Variants in ZNF875 observed in about 807,000 individuals in gnomAD.
ZNF875 encodes the protein zinc finger protein 875, also known as HKR1, GLI-Kruppel zinc finger family member.
In ZNF875, 14 loss-of-function variants were observed where a neutral mutation model predicts 11.2. The ratio of observed to expected loss-of-function variants is 1.26; its 90% CI spans 0.83 to 1.96. The LOEUF is 1.96. Ranked by LOEUF, ZNF875 falls within the 30% of genes most tolerant of loss-of-function variation. The probability of loss-of-function intolerance (pLI) is 0.00; values close to 1 mark genes in which losing one functional copy is unlikely to be tolerated. For missense variants in ZNF875, 752 were observed against 760.4 expected, an observed-to-expected ratio of 0.99 and a Z score of 0.13; for synonymous variants, 301 against 281.1, an observed-to-expected ratio of 1.07 and a Z score of -0.71.
chr19:37,352,885 T>G (rs1366379819), intron 4 of ZNF875, among the ~76,000 whole-genome samples: 2 of 147,826 alleles, frequency 1.4e-5, no homozygotes, highest in Middle Eastern at 3.4e-3. Flanking sequence ...TTTTTTTTTT[T>G]TTTTTTTGAG....
At chr19:37,347,347 C>A (rs1354174362) in intron 3 of ZNF875, 31 bp downstream of exon 3, 4 of 1,597,776 alleles carry the variant, frequency 2.5e-6, no homozygotes, top group Non-Finnish European at 3.4e-6. Flanking sequence ...CACTTAAAAT[C>A]TGCCCTACAG....
intron 2 of ZNF875, among the ~76,000 whole-genome samples, chr19:37,336,684 G>A (rs1355657164): frequency 3.3e-5 from 5 of 150,244 alleles, no homozygotes; most frequent in East Asian, 2.0e-4. Context: ...TGAGGCAGGC[G>A]AATCACGAGG....
At chr19:37,324,195 T>C (rs2145719602) in intron 3 of ZNF875, 1 of 152,314 alleles carries the variant, frequency 6.6e-6, no homozygotes, top group Non-Finnish European at 1.5e-5. Flanking sequence ...AATCCTCCCA[T>C]TTCTTGGTCT....
intron 2 of ZNF875, among the ~76,000 whole-genome samples, chr19:37,345,338 TA>T (rs1320886617): frequency 6.9e-6 from 1 of 145,686 alleles, no homozygotes; most frequent in African/African-American, 2.8e-5. Flanking sequence ...GCTATCGATA[TA>T]ACTGAGTGTA....
chr19:37,313,980 A>G (rs1001135280), upstream of ZNF875, among the ~76,000 whole-genome samples: 1 of 152,206 alleles, frequency 6.6e-6, no homozygotes, highest in Non-Finnish European at 1.5e-5. Context: ...CAGAGACACC[A>G]AAGACTCGCA....
intron 2 of ZNF875, among the ~76,000 whole-genome samples, chr19:37,342,531 G>A (rs1172530393): frequency 6.6e-6 from 1 of 151,362 alleles, no homozygotes; most frequent in Non-Finnish European, 1.5e-5. Flanking sequence ...TCCTGCCTCA[G>A]CCTCCCGAGT....
rs555345557 is a variant in ZNF875, at chr19:37,334,670, C to G, written c.-169C>G. On this transcript the variant is annotated 5_prime_UTR_variant, in exon 1 of 5. Transcript: ENST00000392153. Reference sequence around the variant, plus strand: ...AAACACTTCCGGTCGGTGGCCCAGGCGCGTTAAGCTGGTTGGGACCCGGGA... The same window carrying G: ...AAACACTTCCGGTCGGTGGCCCAGGGGCGTTAAGCTGGTTGGGACCCGGGA... The G allele has an allele frequency of 3.3e-5, 15 of 456,012 alleles. No individual in the cohort carries two copies. The highest frequency in any genetic ancestry group is 2.0e-4 in the South Asian group (13 of 64,562). The allele number at this position is 456,012 out of a possible 1,614,324, so 28.2% of individuals were successfully genotyped here. A position where few individuals can be genotyped will look rare whatever the true frequency, so the allele number is the denominator to read the frequency against.
chr19:37,355,137 T>A (rs1232154459), intron 4 of ZNF875, among the ~76,000 whole-genome samples: 3 of 152,160 alleles, frequency 2.0e-5, no homozygotes, highest in Non-Finnish European at 2.9e-5. Context: ...CATATGTATG[T>A]ATGTGTATAT....
intron 4 of ZNF875, among the ~76,000 whole-genome samples, chr19:37,358,311 AT>A (rs2039294907): frequency 6.7e-6 from 1 of 149,884 alleles, no homozygotes; most frequent in African/African-American, 2.5e-5. Flanking sequence ...AAGCCTGGCT[AT>A]ATTTTTGTAT....
chr19:37,331,585 G>T (rs1245991163), upstream of ZNF875, among the ~76,000 whole-genome samples: 3 of 148,566 alleles, frequency 2.0e-5, no homozygotes, highest in Non-Finnish European at 4.5e-5. Flanking sequence ...ATTAAGGGCG[G>T]TGCAAGATGT....
At chr19:37,347,375 G>A (rs891224880) in intron 3 of ZNF875, 59 bp downstream of exon 3, 6 of 1,507,506 alleles carry the variant, frequency 4.0e-6, no homozygotes, top group East Asian at 4.6e-5. Flanking sequence ...TCCACTCATC[G>A]TGAGGAAGGG....
At chr19:37,360,777 T>C (rs999422410) in intron 4 of ZNF875, among the ~76,000 whole-genome samples, 4 of 152,204 alleles carry the variant, frequency 2.6e-5, no homozygotes, top group African/African-American at 9.6e-5. Context: ...ATTACAGGCA[T>C]GAGCCACCGT....
intron 4 of ZNF875, among the ~76,000 whole-genome samples, chr19:37,327,117 C>T (rs1022072326): frequency 6.6e-6 from 1 of 151,858 alleles, no homozygotes; most frequent in Non-Finnish European, 1.5e-5. Context: ...CTCAGCCTCT[C>T]GAGTAGCTGG....
intron 3 of ZNF875, chr19:37,347,521 G>A: frequency 1.6e-6 from 1 of 618,500 alleles, no homozygotes; most frequent in South Asian, 2.1e-5. Flanking sequence ...TACATTTCCA[G>A]GCCTGTTTCC....
upstream of ZNF875, chr19:37,313,144 T>A (rs1284879302): frequency 1.3e-5 from 2 of 152,024 alleles, no homozygotes; most frequent in East Asian, 1.9e-4. Flanking sequence ...TCTTCTGACA[T>A]GCTGCATGTG....
At position 37,362,808 on chromosome 19, in the gene ZNF875, T is replaced by C; in HGVS notation, c.956T>C (p.Phe319Ser). 5.0e-6 allele frequency: 8 copies of C among 1,613,744 alleles called. No individual in the cohort carries two copies. The highest frequency in any genetic ancestry group is 5.9e-6 in the Non-Finnish European group (7 of 1,179,932). ...GTGTGCAAGGATTGTGGACGAGGCT[T>C]TACTTGGAAGTCGAACCTCTTTACA... The part of the protein sequence containing the change: ...PYVCKDCGRG[F>S]TWKSNLFTHQ... Residue 319 changes from phenylalanine to serine, a missense_variant, in exon 5 of 5, where the codon TTT (phenylalanine) becomes TCT (serine). By Grantham distance (155) the Phe-to-Ser change is radical. Coordinates refer to ENST00000392153, the MANE Select transcript of ZNF875 (RefSeq NM_001353803.2).
Position 37,347,765 on chromosome 19 carries a change from C to T in ZNF875, c.161-12C>T. 3 of 1,571,812 alleles carry T rather than the reference C, an allele frequency of 1.9e-6. No individual in the cohort carries two copies. Among genetic ancestry groups the T allele is most frequent in the Non-Finnish European group, 2.6e-6 (3 of 1,141,570 alleles). On this transcript the variant is annotated splice_polypyrimidine_tract_variant and intron_variant, in intron 3 of 4. Coordinates refer to ENST00000392153, the MANE Select transcript of ZNF875 (RefSeq NM_001353803.2). ...TAACCAACAATGTCCTCATTTTCTT[C>T]CCTATGAACAGAAATTCCATCTTCT...
chr19:37,339,488 C>T (rs540647385), intron 2 of ZNF875, among the ~76,000 whole-genome samples: 4 of 150,788 alleles, frequency 2.7e-5, no homozygotes, highest in South Asian at 2.1e-4. Context: ...GGTGAATAGA[C>T]ATGACTGTTT....
At position 37,323,263 on chromosome 19, in the gene ZNF875, C is replaced by G. The variant is rs546111899; in HGVS notation, c.-698-270C>G. 5.3e-5 allele frequency among the ~76,000 whole-genome samples: 8 copies of G among 152,078 alleles called. No homozygotes were observed. The East Asian group carries it at 1.5e-3, about 29-fold the overall frequency. On this transcript the variant is annotated intron_variant, in intron 2 of 5. Transcript: ENST00000544914. ...CCGTCTCCTGGGTTCAAGCAATTCT[C>G]TTGCCTCAGCCTCCAGAGTAGCTGG...
Sources: allele counts gnomAD v4.1 joint callset (sites outside exome capture counted in the v4.1 genomes callset), GRCh38; gene constraint gnomAD v4.1.1; transcripts MANE v1.5; gene names NCBI Gene and HGNC (gene_info 2026-07-23, HGNC 2026-07-21).